The following CAPS2 variants were observed in gnomAD, a reference collection of about 807,000 sequenced individuals.
CAPS2 encodes calcyphosin-2.
In CAPS2, 98 loss-of-function variants were observed where a neutral mutation model predicts 86.5. That is an observed-to-expected ratio of 1.13 (90% confidence interval 0.96 to 1.34). The LOEUF (loss-of-function observed/expected upper bound fraction) is 1.34. Ranked by LOEUF, CAPS2 falls within the 40% of genes most tolerant of loss-of-function variation. CAPS2 has a pLI of 0.00. For synonymous variants in CAPS2, 210 were observed against 225.1 expected, an observed-to-expected ratio of 0.93 and a Z score of 0.60; for missense variants, 729 against 686.8, an observed-to-expected ratio of 1.06 and a Z score of -0.69.
upstream of CAPS2, chr12:75,326,501 G>A (rs2040800387): frequency 6.5e-7 from 1 of 1,527,858 alleles, no homozygotes; most frequent in Non-Finnish European, 8.9e-7. Flanking sequence ...AAATCCATTT[G>A]AGTTCCTGTG....
intron 1 of CAPS2, among the ~76,000 whole-genome samples, chr12:75,372,944 T>C (rs1468061357): frequency 2.0e-5 from 3 of 152,196 alleles, no homozygotes; most frequent in Non-Finnish European, 4.4e-5. Flanking sequence ...AGGCATTTTG[T>C]TTGCAGATAG....
At chr12:75,387,782 C>A (rs2045368280) in intron 1 of CAPS2, among the ~76,000 whole-genome samples, 1 of 152,106 alleles carries the variant, frequency 6.6e-6, no homozygotes, top group Admixed American at 6.5e-5. Context: ...TGAGGACAGA[C>A]CCAATCACTT....
At chr12:75,371,520 A>G (rs1398730234) in intron 1 of CAPS2, 1 of 298,730 alleles carries the variant, frequency 3.3e-6, no homozygotes, top group Admixed American at 4.2e-5. Flanking sequence ...TCACAAGTCC[A>G]CCCCTTGTCT....
intron 14 of CAPS2, among the ~76,000 whole-genome samples, chr12:75,288,816 T>TC (rs1245316695): frequency 6.6e-6 from 1 of 152,030 alleles, no homozygotes; most frequent in Non-Finnish European, 1.5e-5. Flanking sequence ...AACACTCTGG[T>TC]CCCCACCCTG....
At chr12:75,310,507 A>G (rs746287703) in intron 7 of CAPS2, among the ~76,000 whole-genome samples, 63 of 152,302 alleles carry the variant, frequency 4.1e-4, no homozygotes, top group Non-Finnish European at 7.9e-4. Context: ...AAATGGCTAG[A>G]GGAGAATAGG....
intron 7 of CAPS2, chr12:75,305,717 C>G: frequency 1.5e-6 from 1 of 678,176 alleles, no homozygotes; most frequent in Non-Finnish European, 2.8e-6. Flanking sequence ...GCACGACGAG[C>G]TCGTGTGGTA....
At chr12:75,321,952 A>G (rs1298009831) in intron 4 of CAPS2, among the ~76,000 whole-genome samples, 1 of 152,132 alleles carries the variant, frequency 6.6e-6, no homozygotes, top group African/African-American at 2.4e-5. Flanking sequence ...AGATAGAGCA[A>G]TTGAAGATCA....
chr12:75,372,354 A>G (rs757189581), intron 1 of CAPS2, among the ~76,000 whole-genome samples: 20 of 152,172 alleles, frequency 1.3e-4, no homozygotes, highest in Non-Finnish European at 2.9e-4. Flanking sequence ...CCCAGCCAAC[A>G]CTATAACTCT....
intron 1 of CAPS2, among the ~76,000 whole-genome samples, chr12:75,354,590 TA>T (rs2043029521): frequency 1.3e-5 from 2 of 151,962 alleles, no homozygotes; most frequent in African/African-American, 4.8e-5. Flanking sequence ...CTATTCCCAT[TA>T]AACTCATTGA....
At chr12:75,329,573 A>G (rs192557844), upstream of CAPS2, among the ~76,000 whole-genome samples, 2 of 152,206 alleles carry the variant, frequency 1.3e-5, no homozygotes, top group African/African-American at 4.8e-5. Context: ...ACTTATATCA[A>G]ATCAGAAAAA....
At chr12:75,346,580 G>A (rs1253451352) in intron 1 of CAPS2, among the ~76,000 whole-genome samples, 1 of 152,096 alleles carries the variant, frequency 6.6e-6, no homozygotes. Context: ...TAGTAGAAAC[G>A]GGGTTTTGCC....
chr12:75,302,459 G>A (rs769961137), intron 8 of CAPS2, among the ~76,000 whole-genome samples: 2 of 152,134 alleles, frequency 1.3e-5, no homozygotes, highest in Non-Finnish European at 2.9e-5. Context: ...ACAAGTCAGA[G>A]GGAAAATGAT....
upstream of CAPS2, among the ~76,000 whole-genome samples, chr12:75,331,129 C>T (rs916549319): frequency 6.6e-6 from 1 of 152,064 alleles, no homozygotes; most frequent in Non-Finnish European, 1.5e-5. Context: ...TTGGCATCAA[C>T]TCCTCATCTA....
chr12:75,314,481 T>C (rs1490079152), intron 6 of CAPS2, among the ~76,000 whole-genome samples: 3 of 152,172 alleles, frequency 2.0e-5, no homozygotes, highest in Non-Finnish European at 4.4e-5. Context: ...ACATTTAATA[T>C]GTCCTATATA....
intron 1 of CAPS2, among the ~76,000 whole-genome samples, chr12:75,335,707 T>G (rs1291009421): frequency 6.6e-6 from 1 of 152,052 alleles, no homozygotes; most frequent in Non-Finnish European, 1.5e-5. Flanking sequence ...AAAATTATAT[T>G]TTGATGGAGA....
rs564740231 is a variant in CAPS2, at chr12:75,280,666, A to G, written c.1612+1585T>C. ...TTTAAAGGAAAAAAATACACTAGCAACAATTAAACATACACTAAAAATTCT... is the reference window on the plus strand; with the variant it reads ...TTTAAAGGAAAAAAATACACTAGCAGCAATTAAACATACACTAAAAATTCT... On this transcript the variant is annotated intron_variant, in intron 16 of 16. Transcript: ENST00000393284. 2.9e-4 allele frequency among the ~76,000 whole-genome samples: 44 copies of G among 152,030 alleles called. 2 individuals carry two copies. The South Asian group carries it at 8.5e-3, about 29-fold the overall frequency.
At chr12:75,364,353 C>T (rs1273275273) in intron 1 of CAPS2, among the ~76,000 whole-genome samples, 1 of 152,218 alleles carries the variant, frequency 6.6e-6, no homozygotes, top group Non-Finnish European at 1.5e-5. Flanking sequence ...ACATTCTCCC[C>T]CTTCTGGCCA....
downstream of CAPS2, chr12:75,277,078 C>T: frequency 1.0e-6 from 1 of 984,354 alleles, no homozygotes; most frequent in Non-Finnish European, 1.2e-6. Context: ...TAACAAAATA[C>T]ACCAAAAAAA....
chr12:75,360,978 G>C (rs2043546965), intron 1 of CAPS2: 1 of 152,116 alleles, frequency 6.6e-6, no homozygotes, highest in Admixed American at 6.5e-5. Flanking sequence ...ATAAGTCTGA[G>C]GTCTTGTCTC....
Sources: gnomAD v4.1 joint callset for allele counts (sites outside exome capture counted in the v4.1 genomes callset) on GRCh38, gnomAD v4.1.1 for gene constraint, MANE v1.5 for transcripts, NCBI Gene and HGNC (gene_info 2026-07-23, HGNC 2026-07-21) for gene names.